LYVE1: variants seen among roughly 807,000 people sequenced by gnomAD.
LYVE1 encodes lymphatic vessel endothelial hyaluronic acid receptor 1.
Under a neutral mutation model 31.5 loss-of-function variants are expected in LYVE1, and 29 were observed. That is an observed-to-expected ratio of 0.92 (90% CI 0.69 to 1.26). The LOEUF is 1.26. LYVE1 is among the 50% of genes most tolerant of loss of function. The pLI, the probability that LYVE1 is intolerant of heterozygous loss-of-function variation, is 0.00. For synonymous variants in LYVE1, 134 were observed against 139.4 expected, an observed-to-expected ratio of 0.96 and a Z score of 0.27; for missense variants, 376 against 380.2, an observed-to-expected ratio of 0.99 and a Z score of 0.09.
rs1850346193 is a variant in LYVE1, at chr11:10,557,981, C to G, written c.*1130G>C. ...TTGTTAATGGCACTTTTAAAATGTG[C>G]TTTGGTATATAGAGGTAACAATGTA... On this transcript the variant is annotated 3_prime_UTR_variant, in exon 6 of 6. Coordinates refer to ENST00000256178, the MANE Select transcript of LYVE1 (RefSeq NM_006691.4). 1 of 152,016 alleles carries G rather than the reference C, an allele frequency of 6.6e-6. No individual in the cohort carries two copies. Among genetic ancestry groups the G allele is most frequent in the African/African-American group, 2.4e-5 (1 of 41,372 alleles). The allele number at this position is 152,016 out of a possible 1,614,324, so 9.4% of individuals were successfully genotyped here. A position where few individuals can be genotyped will look rare whatever the true frequency, so the allele number is the denominator to read the frequency against.
At chr11:10,565,673 C>A (rs1299796402) in intron 1 of LYVE1, among the ~76,000 whole-genome samples, 1 of 152,120 alleles carries the variant, frequency 6.6e-6, no homozygotes, top group Non-Finnish European at 1.5e-5. Context: ...TTTTTTCCTT[C>A]TTCTTTCCCA....
chr11:10,558,503 A>G lies in LYVE1; in HGVS notation c.*608T>C, dbSNP rs14806. On this transcript the variant is annotated 3_prime_UTR_variant, in exon 6 of 6. Coordinates refer to ENST00000256178, the MANE Select transcript of LYVE1 (RefSeq NM_006691.4). Reference sequence around the variant, plus strand: ...GTCTGTGTTTACAGTCCCTGCTGACAGTGTACTGTCGTATCCTCAGCCTTG... The same window carrying G: ...GTCTGTGTTTACAGTCCCTGCTGACGGTGTACTGTCGTATCCTCAGCCTTG... 6.6e-6 allele frequency: 1 copy of G among 152,238 alleles called. No homozygotes were observed. Among genetic ancestry groups the G allele is most frequent in the African/African-American group, 2.4e-5 (1 of 41,454 alleles). The allele number at this position is 152,238 out of a possible 1,614,324, so 9.4% of individuals were successfully genotyped here.
At chr11:10,568,155 C>T (rs973604005) in intron 1 of LYVE1, among the ~76,000 whole-genome samples, 1 of 152,132 alleles carries the variant, frequency 6.6e-6, no homozygotes, top group Non-Finnish European at 1.5e-5. Flanking sequence ...TAAATACCAC[C>T]CATACAAAAA....
intron 1 of LYVE1, among the ~76,000 whole-genome samples, chr11:10,565,938 G>T (rs1005200956): frequency 6.6e-6 from 1 of 151,978 alleles, no homozygotes. Context: ...ATTCTCCCAA[G>T]TAGCTGGGAT....
intron 4 of LYVE1, 53 bp from the exon 5 acceptor site, chr11:10,559,947 A>G: frequency 1.6e-6 from 2 of 1,268,680 alleles, no homozygotes; most frequent in Non-Finnish European, 2.3e-6. Context: ...CATTGTGTGT[A>G]ATGCTCATTG....
At chr11:10,561,130 C>T (rs1341915534) in intron 3 of LYVE1, among the ~76,000 whole-genome samples, 1 of 152,216 alleles carries the variant, frequency 6.6e-6, no homozygotes, top group Non-Finnish European at 1.5e-5. Flanking sequence ...CTTTATTCAC[C>T]TTTATGACTC....
At chr11:10,560,235 AG>A (rs1221429788) in intron 4 of LYVE1, among the ~76,000 whole-genome samples, 5 of 152,258 alleles carry the variant, frequency 3.3e-5, no homozygotes, top group Non-Finnish European at 7.3e-5. Context: ...ACTTATGCAT[AG>A]GAACAGATAG....
intron 1 of LYVE1, among the ~76,000 whole-genome samples, chr11:10,566,767 G>C (rs908588786): frequency 2.0e-5 from 3 of 152,164 alleles, no homozygotes; most frequent in African/African-American, 7.2e-5. Context: ...CATCAGGCAA[G>C]TCAGCATTCT....
intron 1 of LYVE1, among the ~76,000 whole-genome samples, chr11:10,567,041 C>G (rs1217419007): frequency 1.3e-5 from 2 of 152,170 alleles, no homozygotes; most frequent in African/African-American, 2.4e-5. Flanking sequence ...GATGTGGAAT[C>G]AGATAATAGC....
rs960680066 is a variant in LYVE1, at chr11:10,566,361, C to T, written c.86-1987G>A. 4.6e-5 allele frequency among the ~76,000 whole-genome samples: 7 copies of T among 152,152 alleles called. No individual in the cohort carries two copies. In the South Asian group the frequency reaches 8.3e-4, roughly 18 times the overall value. On this transcript the variant is annotated intron_variant, in intron 1 of 5. Transcript: ENST00000256178. ...CTGACCTCAGGTGATCCACCCACCT[C>T]GGCCTCCTAAAGTGCTGAGATTACA...
intron 1 of LYVE1, among the ~76,000 whole-genome samples, chr11:10,568,120 C>T (rs778060566): frequency 6.6e-6 from 1 of 152,116 alleles, no homozygotes; most frequent in South Asian, 2.1e-4. Flanking sequence ...GGCAACAAAG[C>T]GAGATCCCAT....
chr11:10,564,684 G>A (rs1256732983), intron 1 of LYVE1, among the ~76,000 whole-genome samples: 1 of 152,214 alleles, frequency 6.6e-6, no homozygotes, highest in African/African-American at 2.4e-5. Flanking sequence ...TCTAAGGGAT[G>A]CAGTTACTGC....
intron 1 of LYVE1, 30 bp from the exon 2 acceptor site, chr11:10,564,404 T>G: frequency 1.9e-6 from 3 of 1,601,134 alleles, no homozygotes; most frequent in Non-Finnish European, 2.6e-6. Context: ...GTCCTCAGTT[T>G]GCTGCTGTCC....
rs575170305 is a variant in LYVE1 at position 10,563,079 on chromosome 11, G to A, written c.397+861C>T. ...TGCCATTCTCCTGCCTCAGCCTCCC[G>A]AGTAGCTGGGACTACAGGTGCCTGC... On this transcript the variant is annotated intron_variant, in intron 3 of 5. Coordinates refer to ENST00000256178, the MANE Select transcript of LYVE1 (RefSeq NM_006691.4). 6.8e-5 allele frequency among the ~76,000 whole-genome samples: 10 copies of A among 146,268 alleles called. No homozygotes were observed. The South Asian group carries it at 1.6e-3, about 23-fold the overall frequency.
intron 3 of LYVE1, among the ~76,000 whole-genome samples, chr11:10,563,635 T>C (rs1850475930): frequency 6.6e-6 from 1 of 152,198 alleles, no homozygotes; most frequent in Non-Finnish European, 1.5e-5. Flanking sequence ...ATGCATTACA[T>C]ACATCTGTAC....
At position 10,564,327 on chromosome 11, in the gene LYVE1, T is replaced by C; in HGVS notation, c.133A>G (p.Ser45Gly). The stretch of plus-strand genomic sequence containing the variant: ...TTCAGCTGCTGGTTCGCCTTTTTGC[T>C]CACAAGGGTGATCCCCATAATTCTG... ...SCRIMGITLV[S>G]KKANQQLNFT... Residue 45 changes from serine (S) to glycine (G), a missense_variant, in exon 2 of 6, where the codon AGC becomes GGC. By Grantham distance (56) the Ser-to-Gly change is moderately conservative (BLOSUM62 0). Coordinates refer to ENST00000256178, the MANE Select transcript of LYVE1 (RefSeq NM_006691.4). 6.2e-7 allele frequency: 1 copy of C among 1,614,184 alleles called. No individual in the cohort carries two copies. Among genetic ancestry groups the C allele is most frequent in the Non-Finnish European group, 8.5e-7 (1 of 1,180,024 alleles).
intron 1 of LYVE1, among the ~76,000 whole-genome samples, chr11:10,566,763 G>A (rs1454546783): frequency 6.6e-6 from 1 of 152,058 alleles, no homozygotes; most frequent in East Asian, 1.9e-4. Flanking sequence ...GCGACATCAG[G>A]CAAGTCAGCA....
chr11:10,559,580 A>AT (rs201566870), intron 5 of LYVE1, among the ~76,000 whole-genome samples: 1,808 of 152,166 alleles, frequency 0.012, 20 homozygotes, highest in South Asian at 0.026. Context: ...CCAGATGTCA[A>AT]TTTTTTTTAA....
intron 1 of LYVE1, among the ~76,000 whole-genome samples, chr11:10,567,755 C>A (rs1168296424): frequency 6.6e-6 from 1 of 152,058 alleles, no homozygotes; most frequent in Non-Finnish European, 1.5e-5. Context: ...AGTAGACAGC[C>A]GATGGCTTAA....
Sources: gnomAD v4.1 joint callset for allele counts (sites outside exome capture counted in the v4.1 genomes callset) on GRCh38, gnomAD v4.1.1 for gene constraint, MANE v1.5 for transcripts, NCBI Gene and HGNC (gene_info 2026-07-23, HGNC 2026-07-21) for gene names.